The following GTF2IRD2B variants were observed in gnomAD, a reference collection of about 807,000 sequenced individuals.
The protein encoded by GTF2IRD2B is general transcription factor II-I repeat domain-containing protein 2B.
Under a neutral mutation model 55.6 loss-of-function variants are expected in GTF2IRD2B, and 10 were observed. The ratio of observed to expected loss-of-function variants is 0.18; its 90% CI spans 0.11 to 0.31. The LOEUF is 0.31. Among genes scored for constraint, GTF2IRD2B ranks in the 10% least tolerant of loss-of-function variants. The probability of loss-of-function intolerance (pLI) is 1.00; values close to 1 mark genes in which losing one functional copy is unlikely to be tolerated. For missense variants in GTF2IRD2B, 206 were observed against 802.7 expected, an observed-to-expected ratio of 0.26 and a Z score of 8.98; for synonymous variants, 107 against 320.5, an observed-to-expected ratio of 0.33 and a Z score of 7.12.
At chr7:75,106,923 T>C (rs1468769822) in intron 1 of GTF2IRD2B, among the ~76,000 whole-genome samples, 1 of 146,206 alleles carries the variant, frequency 6.8e-6, no homozygotes, top group Non-Finnish European at 1.5e-5. Flanking sequence ...AGATCCTGTC[T>C]CTAAAAACAA....
chr7:75,114,625 C>T (rs1808081031), intron 3 of GTF2IRD2B, among the ~76,000 whole-genome samples: 1 of 151,758 alleles, frequency 6.6e-6, no homozygotes, highest in East Asian at 1.9e-4. Context: ...TGTTCCCATC[C>T]CCATCTTTAT....
chr7:75,116,817 AT>A (rs1166170967), intron 3 of GTF2IRD2B, among the ~76,000 whole-genome samples: 2 of 149,160 alleles, frequency 1.3e-5, no homozygotes, highest in African/African-American at 4.9e-5. Flanking sequence ...TAATTTTTGT[AT>A]TTTTTTAGTA....
At chr7:75,101,601 T>TA (rs1554449546) in intron 1 of GTF2IRD2B, among the ~76,000 whole-genome samples, 2 of 148,638 alleles carry the variant, frequency 1.3e-5, no homozygotes, top group Non-Finnish European at 3.0e-5. Flanking sequence ...AATAAAAATT[T>TA]AAAAAATAGG....
rs1554454688 is a variant in GTF2IRD2B, at chr7:75,149,121, A to G, written c.2674A>G (p.Lys892Glu). ...YDKVGIPEFYKYLWGSYPKYK... is the reference protein window; with the variant it reads ...YDKVGIPEFYEYLWGSYPKYK... ...CAAGGTGGGAATACCAGAATTCTAC[A>G]AGTACCTCTGGGGTAGCTACCCGAA... The change falls in exon 16 of 16, where the codon AAG (lysine) becomes GAG (glutamate). Residue 892 changes from lysine to glutamate, a missense_variant. Transcript: ENST00000472837. 4 of 750,928 alleles carry G rather than the reference A, an allele frequency of 5.3e-6. No homozygotes were observed. The highest frequency in any genetic ancestry group is 9.9e-6 in the Non-Finnish European group (4 of 404,260). The allele number at this position is 750,928 out of a possible 1,614,324, so 46.5% of individuals were successfully genotyped here.
intron 10 of GTF2IRD2B, among the ~76,000 whole-genome samples, chr7:75,135,351 C>T (rs71270900): frequency 0.12 from 18,152 of 147,898 alleles, 266 homozygotes; most frequent in Middle Eastern, 0.25. Context: ...CCAGGCTGGT[C>T]TCGAACTCCT....
chr7:75,105,924 C>T (rs1210536262), intron 1 of GTF2IRD2B, among the ~76,000 whole-genome samples: 18 of 152,426 alleles, frequency 1.2e-4, no homozygotes, highest in Middle Eastern at 3.4e-3. Context: ...GGAAAGTTCC[C>T]GGTGACCACC....
rs1373547779 is a variant in GTF2IRD2B, at chr7:75,099,210, A to G, written c.-6+6445A>G. Among the ~76,000 whole-genome samples, 2 of 11,014 alleles carry G rather than the reference A, an allele frequency of 1.8e-4. 1 individual carries two copies. Among genetic ancestry groups the G allele is most frequent in the Non-Finnish European group, 3.0e-4 (2 of 6,732 alleles). The allele number at this position is 11,014 out of a possible 152,430, so 7.2% of individuals were successfully genotyped here. ...CTTTGGGAGGCCAAGGTGGCAGATC[A>G]CCTGAGGTCAGGAGTTTGAGACCAG... On this transcript the variant is annotated intron_variant, in intron 1 of 15. Transcript: ENST00000472837.
chr7:75,104,336 C>G (rs1807694764), intron 1 of GTF2IRD2B, among the ~76,000 whole-genome samples: 1 of 152,222 alleles, frequency 6.6e-6, no homozygotes, highest in African/African-American at 2.4e-5. Context: ...CCAGGCTGGT[C>G]TCGAACTCCT....
At position 75,123,130 on chromosome 7, in the gene GTF2IRD2B, T is replaced by C; in HGVS notation, c.359-6T>C. On this transcript the variant is annotated splice_polypyrimidine_tract_variant and splice_region_variant and intron_variant, in intron 4 of 15. Coordinates refer to ENST00000472837, the MANE Select transcript of GTF2IRD2B (RefSeq NM_001003795.3). ...ACCATCCAAAGACGTTTGCGTCTTC[T>C]TGTAGGTAAAGCCTTAGGGACAACA... is the stretch of plus-strand genomic sequence containing the variant. The C allele has an allele frequency of 6.5e-7, 1 of 1,531,038 alleles. No homozygotes were observed. Among genetic ancestry groups the C allele is most frequent in the East Asian group, 2.3e-5 (1 of 44,246 alleles). 94.8% of individuals were successfully genotyped at this position (1,531,038 alleles called of 1,614,324 possible).
intron 3 of GTF2IRD2B, among the ~76,000 whole-genome samples, chr7:75,114,578 C>T (rs1424791824): frequency 2.0e-5 from 3 of 151,494 alleles, no homozygotes; most frequent in African/African-American, 7.3e-5. Context: ...CCCTTGCCCC[C>T]ACTTCCCTCT....
chr7:75,116,276 A>AT (rs1461603844), intron 3 of GTF2IRD2B, among the ~76,000 whole-genome samples: 2 of 132,166 alleles, frequency 1.5e-5, no homozygotes, highest in African/African-American at 2.7e-5. Flanking sequence ...TAGTATACAG[A>AT]TTTTTCCCTT....
rs183533415 is a variant in GTF2IRD2B at position 75,124,089 on chromosome 7, C to A, written c.571+573C>A. Among the ~76,000 whole-genome samples, 767 of 151,742 alleles carry A rather than the reference C, an allele frequency of 5.1e-3. 1 individual carries two copies. The highest frequency in any genetic ancestry group is 8.5e-3 in the Non-Finnish European group (576 of 67,860). ...TGTAGCTATTAAAAAAAAAATTGGC[C>A]GGACGCAGTGGCTCACACCTGTAAT... On this transcript the variant is annotated intron_variant, in intron 6 of 15. Coordinates refer to ENST00000472837, the MANE Select transcript of GTF2IRD2B (RefSeq NM_001003795.3).
At chr7:75,123,949 C>A (rs1554452271) in intron 6 of GTF2IRD2B, 1 of 296,864 alleles carries the variant, frequency 3.4e-6, no homozygotes, top group Non-Finnish European at 6.6e-6. Context: ...GTGCAGCAAG[C>A]CATCGTGGCA....
At chr7:75,101,865 G>A (rs1807572844) in intron 1 of GTF2IRD2B, among the ~76,000 whole-genome samples, 1 of 117,860 alleles carries the variant, frequency 8.5e-6, no homozygotes, top group African/African-American at 3.1e-5. Context: ...CTGCACTCCA[G>A]CCTGGGAGAC....
intron 1 of GTF2IRD2B, among the ~76,000 whole-genome samples, chr7:75,105,206 C>CG (rs1807744629): frequency 6.6e-6 from 1 of 150,654 alleles, no homozygotes; most frequent in African/African-American, 2.4e-5. Context: ...AAACAAAAAA[C>CG]AAAAAAAAAA....
intron 3 of GTF2IRD2B, among the ~76,000 whole-genome samples, chr7:75,113,580 G>A (rs1554450962): frequency 2.1e-5 from 3 of 144,140 alleles, no homozygotes; most frequent in African/African-American, 5.2e-5. Flanking sequence ...GCAGTGAGCC[G>A]TGATCACACC....
At chr7:75,101,696 C>CAG (rs1278678775) in intron 1 of GTF2IRD2B, among the ~76,000 whole-genome samples, 1 of 150,204 alleles carries the variant, frequency 6.7e-6, no homozygotes, top group Non-Finnish European at 1.5e-5. Flanking sequence ...AGTTCAAGAC[C>CAG]AGCCTGGGCA....
At chr7:75,096,580 C>T (rs71560439) in intron 1 of GTF2IRD2B, among the ~76,000 whole-genome samples, 14,434 of 94,160 alleles carry the variant, frequency 0.15, 274 homozygotes, top group Middle Eastern at 0.3. Context: ...CCCACCACCA[C>T]GCCTGTCCTT....
chr7:75,104,493 C>T (rs1470215666), intron 1 of GTF2IRD2B, among the ~76,000 whole-genome samples: 3 of 147,168 alleles, frequency 2.0e-5, no homozygotes, highest in African/African-American at 7.7e-5. Flanking sequence ...GTGGAAATAG[C>T]ACTAGGCAAA....
Sources: gnomAD v4.1 joint callset for allele counts (sites outside exome capture counted in the v4.1 genomes callset) on GRCh38, gnomAD v4.1.1 for gene constraint, MANE v1.5 for transcripts, NCBI Gene and HGNC (gene_info 2026-07-23, HGNC 2026-07-21) for gene names.